ROBO2: variants seen among roughly 807,000 people sequenced by gnomAD.
The protein encoded by ROBO2 is roundabout guidance receptor 2.
Under a neutral mutation model 160.8 loss-of-function variants are expected in ROBO2, and 53 were observed. The ratio of observed to expected loss-of-function variants is 0.33; its 90% CI spans 0.26 to 0.41. The LOEUF (loss-of-function observed/expected upper bound fraction) is 0.41, where lower values mean the gene tolerates loss of function less well. Ranked by LOEUF, ROBO2 falls within the 10% of genes least tolerant of loss-of-function variation. ROBO2 has a pLI of 1.00. For synonymous variants in ROBO2, 664 were observed against 611.7 expected, an observed-to-expected ratio of 1.09 and a Z score of -1.26; for missense variants, 1,577 against 1,722.4, an observed-to-expected ratio of 0.92 and a Z score of 1.49.
chr3:77,402,858 G>T (rs1006791930), intron 2 of ROBO2, among the ~76,000 whole-genome samples: 1 of 151,690 alleles, frequency 6.6e-6, no homozygotes. Context: ...CGCCCACTTG[G>T]CCCTCTTACA....
exon 12 of ROBO2, chr3:77,565,056 C>T (rs960884394): frequency 1.2e-6 from 2 of 1,613,592 alleles, no homozygotes; most frequent in African/African-American, 2.7e-5. Flanking sequence ...TATTCATGGT[C>T]AGAGCGATCA....
At chr3:76,996,298 C>T (rs895636721) in intron 2 of ROBO2, among the ~76,000 whole-genome samples, 8 of 152,044 alleles carry the variant, frequency 5.3e-5, no homozygotes, top group East Asian at 1.9e-4. Flanking sequence ...TCTGTTCTGT[C>T]CCATTGGTCT....
At chr3:77,107,037 A>G (rs1025827423) in intron 2 of ROBO2, among the ~76,000 whole-genome samples, 68 of 152,208 alleles carry the variant, frequency 4.5e-4, no homozygotes, top group Non-Finnish European at 1.2e-4. Flanking sequence ...GCTTTTTAGG[A>G]AAATAAATTT....
intron 2 of ROBO2, among the ~76,000 whole-genome samples, chr3:76,347,627 A>C (rs1039011511): frequency 6.6e-6 from 1 of 151,992 alleles, no homozygotes; most frequent in Non-Finnish European, 1.5e-5. Flanking sequence ...TATACTTTTT[A>C]GAGTTGTGCT....
intron 2 of ROBO2, among the ~76,000 whole-genome samples, chr3:77,126,137 G>C (rs980768987): frequency 2.0e-5 from 3 of 152,156 alleles, no homozygotes; most frequent in Non-Finnish European, 4.4e-5. Flanking sequence ...CCATTTAGTT[G>C]TTACTAGGTT....
intron 22 of ROBO2, among the ~76,000 whole-genome samples, chr3:77,620,770 T>A (rs1187217421): frequency 1.3e-5 from 2 of 152,164 alleles, no homozygotes; most frequent in Non-Finnish European, 2.9e-5. Context: ...TTCGGGAAGA[T>A]TAAAATATTT....
chr3:77,586,171 T>C (rs1474580932), intron 16 of ROBO2, among the ~76,000 whole-genome samples: 1 of 152,166 alleles, frequency 6.6e-6, no homozygotes, highest in Non-Finnish European at 1.5e-5. Flanking sequence ...CATCATAGTG[T>C]CCATAATTCT....
intron 2 of ROBO2, among the ~76,000 whole-genome samples, chr3:77,287,362 A>C (rs1580682140): frequency 6.6e-6 from 1 of 152,152 alleles, no homozygotes; most frequent in African/African-American, 2.4e-5. Context: ...TACAGGAATT[A>C]TTCTTATTCC....
chr3:76,993,855 C>A (rs903370799), intron 2 of ROBO2, among the ~76,000 whole-genome samples: 66 of 151,042 alleles, frequency 4.4e-4, no homozygotes, highest in African/African-American at 1.6e-3. Context: ...CCATGTAGTA[C>A]TATATATTTT....
At chr3:77,165,569 A>AT (rs1245721448) in intron 2 of ROBO2, among the ~76,000 whole-genome samples, 1 of 120,358 alleles carries the variant, frequency 8.3e-6, no homozygotes, top group African/African-American at 2.9e-5. Flanking sequence ...AAAAAAATAA[A>AT]TTAAAAAAAA....
chr3:77,447,165 C>G (rs1242373152), intron 2 of ROBO2, among the ~76,000 whole-genome samples: 2 of 152,052 alleles, frequency 1.3e-5, no homozygotes, highest in East Asian at 3.9e-4. Flanking sequence ...GATACTACAC[C>G]TTGAAATGTT....
intron 2 of ROBO2, among the ~76,000 whole-genome samples, chr3:77,022,582 T>C (rs990749432): frequency 1.3e-5 from 2 of 152,190 alleles, no homozygotes; most frequent in African/African-American, 4.8e-5. Context: ...AATGGACAAT[T>C]TTCCCTAGGT....
At chr3:76,400,706 A>T (rs1473560168) in intron 2 of ROBO2, among the ~76,000 whole-genome samples, 1 of 151,638 alleles carries the variant, frequency 6.6e-6, no homozygotes, top group African/African-American at 2.4e-5. Context: ...AATATAACTT[A>T]TTTATAAAAC....
chr3:77,183,195 C>T (rs1217805866), intron 2 of ROBO2, among the ~76,000 whole-genome samples: 1 of 151,996 alleles, frequency 6.6e-6, no homozygotes, highest in Non-Finnish European at 1.5e-5. Context: ...AACGTTCTTT[C>T]CTTTATCTTC....
At chr3:76,146,902 A>T (rs2071928396) in intron 2 of ROBO2, among the ~76,000 whole-genome samples, 1 of 150,064 alleles carries the variant, frequency 6.7e-6, no homozygotes, top group Non-Finnish European at 1.5e-5. Flanking sequence ...ACACACACAC[A>T]TACACACACA....
At chr3:77,583,152 C>CA (rs56827523) in intron 16 of ROBO2, among the ~76,000 whole-genome samples, 9,849 of 53,126 alleles carry the variant, frequency 0.19, 372 homozygotes, top group Admixed American at 0.22. Flanking sequence ...TCTGTCTCTC[C>CA]AAAAAAAAAA....
At chr3:76,286,051 T>TAGGA (rs1708489078) in intron 2 of ROBO2, among the ~76,000 whole-genome samples, 1 of 152,138 alleles carries the variant, frequency 6.6e-6, no homozygotes, top group Admixed American at 6.6e-5. Flanking sequence ...TGTAAACACT[T>TAGGA]CTCCTAAGTA....
At chr3:76,407,497 G>T (rs2075266963) in intron 2 of ROBO2, among the ~76,000 whole-genome samples, 1 of 151,840 alleles carries the variant, frequency 6.6e-6, no homozygotes, top group African/African-American at 2.4e-5. Context: ...AGTTAATACT[G>T]GAAATGGCAT....
At chr3:76,243,321 A>G (rs766187339) in intron 2 of ROBO2, among the ~76,000 whole-genome samples, 6 of 152,056 alleles carry the variant, frequency 3.9e-5, no homozygotes, top group Non-Finnish European at 7.4e-5. Flanking sequence ...CTGTCCCCCA[A>G]AGCCCTGCCG....
Sources: allele counts gnomAD v4.1 joint callset (sites outside exome capture counted in the v4.1 genomes callset), GRCh38; gene constraint gnomAD v4.1.1; transcripts MANE v1.5; gene names NCBI Gene and HGNC (gene_info 2026-07-23, HGNC 2026-07-21).